The following BCAS3 variants were observed in gnomAD, a reference collection of about 807,000 sequenced individuals.
The protein encoded by BCAS3 is BCAS3 microtubule associated cell migration factor.
Under a neutral mutation model 116.1 loss-of-function variants are expected in BCAS3, and 53 were observed. That is an observed-to-expected ratio of 0.46 (90% CI 0.37 to 0.57). BCAS3 has a LOEUF of 0.57. Ranked by LOEUF, BCAS3 falls within the 20% of genes least tolerant of loss-of-function variation. The pLI is 0.00. For synonymous variants in BCAS3, 391 were observed against 408.2 expected (o/e 0.96, Z 0.51); for missense variants, 917 against 1,165.4 (o/e 0.79, Z 3.10).
In BCAS3 at chr17:61,122,037, T is replaced by C. The variant is rs894218277; in HGVS notation, c.2425+37473T>C. On this transcript the variant is annotated intron_variant, in intron 22 of 23. Coordinates refer to ENST00000407086, the MANE Select transcript of BCAS3 (RefSeq NM_017679.5). This position sits in a 1 kb window ranked among gnomAD's most constrained non-coding sequence, Gnocchi z 4.6. The stretch of plus-strand genomic sequence containing the variant: ...GCCACTGTGCCCGGCCAAAAACATA[T>C]GATTTTTACAAAAGAAAATTTAAGA... 2.0e-5 allele frequency among the ~76,000 whole-genome samples: 3 copies of C among 152,158 alleles called. No homozygotes were observed. The highest frequency in any genetic ancestry group is 2.0e-4 in the Admixed American group (3 of 15,280).
intron 15 of BCAS3, among the ~76,000 whole-genome samples, chr17:61,006,597 T>C (rs1275022719): frequency 1.1e-4 from 17 of 152,106 alleles, no homozygotes; most frequent in Admixed American, 9.2e-4. Context: ...TGAGGACTTA[T>C]ACTTTGGGGA....
rs2058485700 is a variant in BCAS3, at chr17:61,362,207, C to T, written c.2426-6120C>T. ...TCCGTTTGGTGAGCAGTTTGGTAAG[C>T]TTGCCAAGGAGGCTCCCCTCTACAC... is the stretch of plus-strand genomic sequence containing the variant. On this transcript the variant is annotated intron_variant, in intron 22 of 23. Coordinates refer to ENST00000407086, the MANE Select transcript of BCAS3 (RefSeq NM_017679.5). The surrounding 1 kb of genome is among the most constrained non-coding windows in gnomAD (Gnocchi z 4.4). 6.6e-6 allele frequency among the ~76,000 whole-genome samples: 1 copy of T among 152,230 alleles called. No homozygotes were observed. Among genetic ancestry groups the T allele is most frequent in the Admixed American group, 6.5e-5 (1 of 15,290 alleles).
At chr17:60,866,989 T>A (rs1286744037) in intron 7 of BCAS3, among the ~76,000 whole-genome samples, 1 of 152,128 alleles carries the variant, frequency 6.6e-6, no homozygotes, top group African/African-American at 2.4e-5. Flanking sequence ...TTATGTGGAA[T>A]GCATTTCCAT....
At chr17:60,804,003 A>T (rs1598828210) in intron 6 of BCAS3, among the ~76,000 whole-genome samples, 1 of 150,002 alleles carries the variant, frequency 6.7e-6, no homozygotes, top group East Asian at 2.0e-4. Context: ...GGGTTTCTCC[A>T]TGTTGGTCAA....
rs1320167295 is a variant in BCAS3, at chr17:61,391,706, G to T, written c.2594-271G>T. On this transcript the variant is annotated intron_variant, in intron 23 of 23. Coordinates refer to ENST00000407086, the MANE Select transcript of BCAS3 (RefSeq NM_017679.5). The surrounding 1 kb of genome is among the most constrained non-coding windows in gnomAD (Gnocchi z 7.7). ...TGTAGTCCACACACATCGTCAGGGT[G>T]GCCGTGCTTCGGGCCTAAAGGGCTT... The T allele has an allele frequency of 2.1e-6, 1 of 465,662 alleles. No homozygotes were observed. Among genetic ancestry groups the T allele is most frequent in the African/African-American group, 2.0e-5 (1 of 50,574 alleles). The allele number at this position is 465,662 out of a possible 1,614,324, so 28.8% of individuals were successfully genotyped here.
intron 22 of BCAS3, among the ~76,000 whole-genome samples, chr17:61,246,471 GAAAAAAAA>G (rs1007852809): frequency 0.018 from 596 of 33,468 alleles, 3 homozygotes; most frequent in African/African-American, 0.053. Flanking sequence ...GACTGTCTCA[GAAAAAAAA>G]AAAAAAAAAA....
intron 22 of BCAS3, among the ~76,000 whole-genome samples, chr17:61,289,786 G>A (rs2052205983): frequency 6.6e-6 from 1 of 152,198 alleles, no homozygotes; most frequent in African/African-American, 2.4e-5. Context: ...GATTTAGAAA[G>A]TATCTGCTAT....
In BCAS3 at chr17:60,785,349, G is replaced by A. The variant is rs1598704951; in HGVS notation, c.404-22655G>A. Among the ~76,000 whole-genome samples the A allele has an allele frequency of 2.0e-5, 3 of 151,950 alleles. No individual in the cohort carries two copies. The East Asian group carries it at 5.9e-4, about 30-fold the overall frequency. On this transcript the variant is annotated intron_variant, in intron 6 of 23. Coordinates refer to ENST00000407086, the MANE Select transcript of BCAS3 (RefSeq NM_017679.5). ...AATTTTTGTAATTTTAGTAGAAATC[G>A]GGTTTCACCATGTTGGTCAGGCTGG...
At chr17:61,010,359 G>A (rs1368156500) in intron 15 of BCAS3, among the ~76,000 whole-genome samples, 1 of 151,904 alleles carries the variant, frequency 6.6e-6, no homozygotes, top group East Asian at 1.9e-4. Context: ...TCTCATATAT[G>A]CAGACAGTGG....
intron 14 of BCAS3, among the ~76,000 whole-genome samples, chr17:60,954,113 T>C (rs945219428): frequency 6.6e-6 from 1 of 152,188 alleles, no homozygotes; most frequent in Admixed American, 6.5e-5. Context: ...ATTTATTGAA[T>C]AGGGAGTCCT....
rs987617232 is a variant in BCAS3 at position 61,217,445 on chromosome 17, A to G, written c.2425+132881A>G. On this transcript the variant is annotated intron_variant, in intron 22 of 23. Transcript: ENST00000407086. The surrounding 1 kb of genome is among the most constrained non-coding windows in gnomAD (Gnocchi z 5.2). Reference sequence around the variant, plus strand: ...GTTTGGAAGCATTTGGTAGGCATATAATGGCCCCACAATCGTTTTGGCTTA... The same window carrying G: ...GTTTGGAAGCATTTGGTAGGCATATGATGGCCCCACAATCGTTTTGGCTTA... Among the ~76,000 whole-genome samples the G allele has an allele frequency of 6.6e-6, 1 of 152,194 alleles. No individual in the cohort carries two copies. The highest frequency in any genetic ancestry group is 2.4e-5 in the African/African-American group (1 of 41,448).
chr17:61,359,734 G>A (rs528737463), intron 22 of BCAS3, among the ~76,000 whole-genome samples: 10 of 152,188 alleles, frequency 6.6e-5, no homozygotes, highest in Admixed American at 5.9e-4. Flanking sequence ...CAGGTGATCC[G>A]CCCACCTTGG....
intron 7 of BCAS3, among the ~76,000 whole-genome samples, chr17:60,850,744 A>C (rs2053063850): frequency 1.3e-5 from 2 of 152,114 alleles, no homozygotes; most frequent in African/African-American, 4.8e-5. Context: ...TTGATGGCTC[A>C]TTTCTTTTTG....
intron 14 of BCAS3, among the ~76,000 whole-genome samples, chr17:60,955,309 A>G (rs903618555): frequency 1.3e-5 from 2 of 151,970 alleles, no homozygotes; most frequent in South Asian, 2.1e-4. Flanking sequence ...AATTTTCACC[A>G]TCTAATTTTG....
chr17:60,953,837 G>A (rs992936420), intron 14 of BCAS3, among the ~76,000 whole-genome samples: 3 of 151,538 alleles, frequency 2.0e-5, no homozygotes, highest in Non-Finnish European at 4.4e-5. Flanking sequence ...GAGTTCAGGC[G>A]ATTCTCCTGC....
At chr17:60,850,363 T>G (rs1445554188) in intron 7 of BCAS3, among the ~76,000 whole-genome samples, 2 of 141,790 alleles carry the variant, frequency 1.4e-5, no homozygotes, top group Non-Finnish European at 3.1e-5. Flanking sequence ...TTTTTTTTTT[T>G]TTTTTTTTTT....
chr17:60,968,996 TG>T (rs372409349), intron 14 of BCAS3, among the ~76,000 whole-genome samples: 3,100 of 141,252 alleles, frequency 0.022, 119 homozygotes, highest in African/African-American at 0.074. Context: ...CACCATGAGT[TG>T]GGGGGGGAGA....
chr17:61,326,123 A>G lies in BCAS3; in HGVS notation c.2426-42204A>G, dbSNP rs1036061290. 6.6e-6 allele frequency among the ~76,000 whole-genome samples: 1 copy of G among 152,222 alleles called. No individual in the cohort carries two copies. The highest frequency in any genetic ancestry group is 2.4e-5 in the African/African-American group (1 of 41,466). On this transcript the variant is annotated intron_variant, in intron 22 of 23. Coordinates refer to ENST00000407086, the MANE Select transcript of BCAS3 (RefSeq NM_017679.5). The surrounding 1 kb of genome is among the most constrained non-coding windows in gnomAD (Gnocchi z 5.3). ...TAGGAGGGGAAAAGACATTAATCAG[A>G]TAATCTCACAAATTAACATAATTAC...
chr17:60,831,741 T>G (rs910613939), intron 7 of BCAS3, among the ~76,000 whole-genome samples: 2 of 139,610 alleles, frequency 1.4e-5, no homozygotes, highest in Non-Finnish European at 3.1e-5. Flanking sequence ...TGGCGGTGGG[T>G]TTTTTTTTTT....
Sources: allele counts gnomAD v4.1 joint callset (sites outside exome capture counted in the v4.1 genomes callset), GRCh38; gene constraint gnomAD v4.1.1; non-coding constraint Gnocchi (gnomAD v3.1); transcripts MANE v1.5; gene names NCBI Gene and HGNC (gene_info 2026-07-23, HGNC 2026-07-21).